The following ARHGEF12 variants were observed in gnomAD, a reference collection of about 807,000 sequenced individuals.
ARHGEF12 encodes the protein KMT2A/ARHGEF12 fusion protein.
In ARHGEF12, 66 loss-of-function variants were observed where a neutral mutation model predicts 211.2. That is an observed-to-expected ratio of 0.31 (90% CI 0.26 to 0.38). ARHGEF12 has a LOEUF of 0.38. Among genes scored for constraint, ARHGEF12 ranks in the 10% least tolerant of loss-of-function variants. ARHGEF12 has a pLI of 1.00. For missense variants in ARHGEF12, 1,429 were observed against 1,869.5 expected (o/e 0.76, Z 4.34); for synonymous variants, 592 against 638.4 (o/e 0.93, Z 1.09).
At position 120,431,389 on chromosome 11, in the gene ARHGEF12, T is replaced by G. The variant is rs934155470; in HGVS notation, c.784-382T>G. Among the ~76,000 whole-genome samples the G allele has an allele frequency of 1.3e-4, 20 of 152,262 alleles. 2 individuals are homozygous for G. The South Asian group carries it at 2.7e-3, about 21-fold the overall frequency. On this transcript the variant is annotated intron_variant, in intron 10 of 40. Coordinates refer to ENST00000397843, the MANE Select transcript of ARHGEF12 (RefSeq NM_015313.3). ...TAGAATTGGCCATTGATTGACACTC[T>G]GAAGCATTGGAAGGTAGTTAACAAG...
In ARHGEF12 at chr11:120,337,574, A is replaced by G; in HGVS notation, c.32+299A>G. On this transcript the variant is annotated intron_variant, in intron 1 of 40. Transcript: ENST00000397843. ...AGGATTGTGTACTCGTCTGGAAATC[A>G]GAGGAGAAGGTCATTTTAGGTGAAG... 4 of 985,424 alleles carry G rather than the reference A, an allele frequency of 4.1e-6. No homozygotes were observed. In the South Asian group the frequency reaches 1.4e-4, roughly 35 times the overall value. The allele number at this position is 985,424 out of a possible 1,614,324, so 61.0% of individuals were successfully genotyped here.
intron 1 of ARHGEF12, among the ~76,000 whole-genome samples, chr11:120,368,086 T>C (rs1943479448): frequency 1.3e-5 from 2 of 152,166 alleles, no homozygotes; most frequent in Non-Finnish European, 2.9e-5. Context: ...TTGAGTGGCC[T>C]CTTTTTTTGA....
intron 30 of ARHGEF12, among the ~76,000 whole-genome samples, chr11:120,472,088 T>C (rs1172510269): frequency 1.3e-5 from 2 of 152,166 alleles, no homozygotes; most frequent in African/African-American, 4.8e-5. Flanking sequence ...CTATATGTGC[T>C]AATGTGGAAC....
In ARHGEF12 at chr11:120,336,914, T is replaced by G. The variant is rs1591469490; in HGVS notation, c.-330T>G. On this transcript the variant is annotated 5_prime_UTR_variant, in exon 1 of 41. Coordinates refer to ENST00000397843, the MANE Select transcript of ARHGEF12 (RefSeq NM_015313.3). ...GATCCCGCCCCAGCCCCGGCGGGAG[T>G]CCCGGGTCCCCTTCCCACTGCGCGC... 1 of 426,380 alleles carries G rather than the reference T, an allele frequency of 2.3e-6. No individual in the cohort carries two copies. The highest frequency in any genetic ancestry group is 4.1e-6 in the Non-Finnish European group (1 of 242,954). The allele number at this position is 426,380 out of a possible 1,614,324, so 26.4% of individuals were successfully genotyped here.
chr11:120,479,377 T>G (rs1222350125), intron 37 of ARHGEF12, among the ~76,000 whole-genome samples: 1 of 152,242 alleles, frequency 6.6e-6, no homozygotes, highest in East Asian at 1.9e-4. Context: ...TCTTAATAAT[T>G]TCTGATGGTT....
chr11:120,469,323 G>A lies in ARHGEF12; in HGVS notation c.2890G>A (p.Ala964Thr). 1.2e-6 allele frequency: 2 copies of A among 1,613,538 alleles called. No homozygotes were observed. Among genetic ancestry groups the A allele is most frequent in the South Asian group, 1.1e-5 (1 of 90,964 alleles). ...AGAAAGGGAGAAGGTGAAGAAAGCT[G>A]CAGATCACTGTCGTCAGATCTTAAA... ...PTEREKVKKA[A>T]DHCRQILNYV... The change falls in exon 30 of 41, where the codon GCA (alanine) becomes ACA (threonine). Residue 964 changes from alanine (A) to threonine (T), a missense_variant. Physicochemically the swap from Ala to Thr is moderately conservative, Grantham distance 58 (BLOSUM62 0). Coordinates refer to ENST00000397843, the MANE Select transcript of ARHGEF12 (RefSeq NM_015313.3).
intron 1 of ARHGEF12, among the ~76,000 whole-genome samples, chr11:120,370,360 C>T (rs1165374123): frequency 2.0e-5 from 3 of 152,172 alleles, no homozygotes; most frequent in African/African-American, 7.2e-5. Context: ...TATTTCTGTA[C>T]CGACACCAAA....
At chr11:120,415,025 A>G (rs1209048961) in intron 4 of ARHGEF12, among the ~76,000 whole-genome samples, 1 of 152,208 alleles carries the variant, frequency 6.6e-6, no homozygotes, top group Non-Finnish European at 1.5e-5. Flanking sequence ...GCCTTACAGA[A>G]CTCATATTCA....
rs1047270819 is a variant in ARHGEF12 at position 120,487,359 on chromosome 11, G to C, written c.*2282G>C. The C allele has an allele frequency of 2.7e-5, 6 of 218,804 alleles. No homozygotes were observed. Among genetic ancestry groups the C allele is most frequent in the African/African-American group, 9.0e-5 (4 of 44,564 alleles). 13.6% of individuals were successfully genotyped at this position (218,804 alleles called of 1,614,324 possible). On this transcript the variant is annotated 3_prime_UTR_variant, in exon 41 of 41. Coordinates refer to ENST00000397843, the MANE Select transcript of ARHGEF12 (RefSeq NM_015313.3). ...GTACTTCCAAATAAATTCATATCTA[G>C]ATTTTCAAACAAAGCCCCAAGATGA...
At chr11:120,427,480 A>G (rs1399661415) in intron 7 of ARHGEF12, among the ~76,000 whole-genome samples, 1 of 151,866 alleles carries the variant, frequency 6.6e-6, no homozygotes, top group Non-Finnish European at 1.5e-5. Context: ...AGGCGGGTGG[A>G]TCGCTTGAGC....
rs150131367 is a variant in ARHGEF12, at chr11:120,370,666, T to C, written c.32+33391T>C. Among the ~76,000 whole-genome samples, 376 of 152,266 alleles carry C rather than the reference T, an allele frequency of 2.5e-3. 4 individuals are homozygous for C. The highest frequency in any genetic ancestry group is 0.014 in the Middle Eastern group (4 of 294). ...TCTTCAATAGTAATTTATAATTGTA[T>C]CCAAAAGTCTTAAAACTTTTTTGGC... On this transcript the variant is annotated intron_variant, in intron 1 of 40. Transcript: ENST00000397843.
intron 1 of ARHGEF12, among the ~76,000 whole-genome samples, chr11:120,374,816 A>G (rs556814577): frequency 3.3e-5 from 5 of 152,332 alleles, no homozygotes; most frequent in African/African-American, 1.2e-4. Context: ...AATTCATTAC[A>G]TTGAGTCATA....
chr11:120,359,826 T>TAC (rs1943232269), intron 1 of ARHGEF12, among the ~76,000 whole-genome samples: 1 of 151,912 alleles, frequency 6.6e-6, no homozygotes. Context: ...GGCAGGGGAG[T>TAC]ACATTATAAA....
intron 1 of ARHGEF12, among the ~76,000 whole-genome samples, chr11:120,364,363 A>G (rs181822718): frequency 6.6e-6 from 1 of 152,248 alleles, no homozygotes; most frequent in African/African-American, 2.4e-5. Flanking sequence ...GCAGGTGGGC[A>G]TGTAAATTGG....
chr11:120,444,241 C>T (rs1261495074), intron 15 of ARHGEF12, among the ~76,000 whole-genome samples: 1 of 152,034 alleles, frequency 6.6e-6, no homozygotes, highest in African/African-American at 2.4e-5. Flanking sequence ...AAAAAAATGA[C>T]AATATATTGA....
chr11:120,429,670 A>G (rs775586139), intron 9 of ARHGEF12, 42 bp from the exon 10 acceptor site: 6 of 1,584,976 alleles, frequency 3.8e-6, no homozygotes, highest in South Asian at 1.1e-5. Flanking sequence ...TATCTTTTTT[A>G]CATAAGTAAT....
intron 10 of ARHGEF12, among the ~76,000 whole-genome samples, chr11:120,430,898 A>T (rs1334734561): frequency 6.6e-6 from 1 of 152,086 alleles, no homozygotes; most frequent in Non-Finnish European, 1.5e-5. Flanking sequence ...CCCAGTAGCG[A>T]TGTCACATTT....
chr11:120,459,363 T>C (rs368206756), intron 26 of ARHGEF12, 43 bp downstream of exon 26: 30 of 1,583,430 alleles, frequency 1.9e-5, no homozygotes, highest in Middle Eastern at 1.7e-4. Flanking sequence ...ACATTTCCAA[T>C]AGAGAAAAGA....
intron 6 of ARHGEF12, among the ~76,000 whole-genome samples, chr11:120,423,409 C>A (rs888199085): frequency 6.6e-6 from 1 of 152,024 alleles, no homozygotes; most frequent in East Asian, 1.9e-4. Context: ...AGGAACTTAT[C>A]TGAGGAAATA....
Sources: allele counts gnomAD v4.1 joint callset (sites outside exome capture counted in the v4.1 genomes callset), GRCh38; gene constraint gnomAD v4.1.1; transcripts MANE v1.5; gene names NCBI Gene and HGNC (gene_info 2026-07-23, HGNC 2026-07-21).